Variants in LRRC1 observed in about 807,000 individuals in gnomAD.
The protein encoded by LRRC1 is leucine rich repeat containing 1.
Under a neutral mutation model 69.9 loss-of-function variants are expected in LRRC1, and 28 were observed. That is an observed-to-expected ratio of 0.40 (90% confidence interval 0.30 to 0.55). LRRC1 has a LOEUF of 0.55. Among genes scored for constraint, LRRC1 ranks in the 20% least tolerant of loss-of-function variants. The pLI, the probability that LRRC1 is intolerant of heterozygous loss-of-function variation, is 0.47. For synonymous variants in LRRC1, 236 were observed against 240.2 expected, an observed-to-expected ratio of 0.98 and a Z score of 0.16; for missense variants, 498 against 609.0, an observed-to-expected ratio of 0.82 and a Z score of 1.92.
At chr6:53,907,361 A>T (rs1768275486) in intron 10 of LRRC1, among the ~76,000 whole-genome samples, 1 of 152,108 alleles carries the variant, frequency 6.6e-6, no homozygotes, top group Non-Finnish European at 1.5e-5. Context: ...AAAAACAACA[A>T]CATTTATAGT....
At chr6:53,919,727 G>A (rs754323876) in intron 12 of LRRC1, 57 bp downstream of exon 12, 4 of 1,502,660 alleles carry the variant, frequency 2.7e-6, no homozygotes, top group East Asian at 2.3e-5. Context: ...AGGACCTAAT[G>A]TCTGTCCATA....
chr6:53,825,210 G>T (rs760647609), intron 1 of LRRC1, among the ~76,000 whole-genome samples: 6 of 152,184 alleles, frequency 3.9e-5, no homozygotes, highest in Non-Finnish European at 7.3e-5. Context: ...CTTTTTAGGT[G>T]TACTTCATAA....
intron 1 of LRRC1, among the ~76,000 whole-genome samples, chr6:53,811,758 G>A (rs540637471): frequency 6.6e-6 from 1 of 152,346 alleles, no homozygotes; most frequent in Non-Finnish European, 1.5e-5. Flanking sequence ...GGGACACTCA[G>A]CTAGGAGAAG....
chr6:53,900,611 T>C (rs1768029317), intron 8 of LRRC1, among the ~76,000 whole-genome samples: 1 of 152,236 alleles, frequency 6.6e-6, no homozygotes, highest in African/African-American at 2.4e-5. Context: ...ACTTATTCCA[T>C]GACCTAAGGG....
In LRRC1 at chr6:53,873,458, A is replaced by ATT. The variant is rs35667628; in HGVS notation, c.278-5522_278-5521dup. 2.8e-3 allele frequency among the ~76,000 whole-genome samples: 395 copies of ATT among 140,142 alleles called. 3 individuals carry two copies. The East Asian group carries it at 0.044, about 16-fold the overall frequency. 91.9% of individuals were successfully genotyped at this position (140,142 alleles called of 152,430 possible). A position where few individuals can be genotyped will look rare whatever the true frequency, so the allele number is the denominator to read the frequency against. Reference sequence around the variant, plus strand: ...AGGTATCCGCCACCACGCCCGGCTAATTTTTTTTTTTTTTGTATTTTTAGT... The same window carrying ATT: ...AGGTATCCGCCACCACGCCCGGCTAATTTTTTTTTTTTTTTTGTATTTTTAGT... On this transcript the variant is annotated intron_variant, in intron 2 of 13. Coordinates refer to ENST00000370888, the MANE Select transcript of LRRC1 (RefSeq NM_018214.5).
At chr6:53,839,309 A>G (rs1765697339) in intron 1 of LRRC1, among the ~76,000 whole-genome samples, 1 of 152,128 alleles carries the variant, frequency 6.6e-6, no homozygotes, top group African/African-American at 2.4e-5. Context: ...ATATAAATAT[A>G]CAATCTTTTT....
In LRRC1 at chr6:53,861,351, A is replaced by T. The variant is rs189382393; in HGVS notation, c.278-17642A>T. On this transcript the variant is annotated intron_variant, in intron 2 of 13. Transcript: ENST00000370888. ...GGGACGGTGGTCCCAGGTGATTTTG[A>T]TCTCAGCCAGAGCTGAGAACCACTA... 5.5e-3 allele frequency among the ~76,000 whole-genome samples: 835 copies of T among 151,578 alleles called. 1 individual carries two copies. Among genetic ancestry groups the T allele is most frequent in the Middle Eastern group, 0.024 (7 of 294 alleles).
chr6:53,842,895 A>G (rs1765834039), intron 2 of LRRC1, among the ~76,000 whole-genome samples: 1 of 152,176 alleles, frequency 6.6e-6, no homozygotes, highest in South Asian at 2.1e-4. Context: ...ATTCATTTTT[A>G]CTGAACATTT....
chr6:53,886,697 T>G (rs1425024322), intron 4 of LRRC1, among the ~76,000 whole-genome samples: 1 of 152,226 alleles, frequency 6.6e-6, no homozygotes, highest in Non-Finnish European at 1.5e-5. Flanking sequence ...ACCTGCCTTG[T>G]CTCTTTCCAA....
intron 1 of LRRC1, 109 bp downstream of exon 1, chr6:53,795,524 T>A: frequency 8.9e-7 from 1 of 1,127,696 alleles, no homozygotes; most frequent in Admixed American, 2.8e-5. Context: ...GAAGGAACCT[T>A]CCCTCTTTTA....
chr6:53,919,230 T>TCTC (rs57302181), intron 11 of LRRC1: 131 of 87,892 alleles, frequency 1.5e-3, no homozygotes, highest in African/African-American at 5.2e-3. Context: ...TTTCTCTCTC[T>TCTC]TTTTTTTTTT....
chr6:53,851,448 A>G (rs1766133501), intron 2 of LRRC1, among the ~76,000 whole-genome samples: 2 of 145,760 alleles, frequency 1.4e-5, no homozygotes, highest in Non-Finnish European at 3.0e-5. Flanking sequence ...TCAAACAGGC[A>G]AGCATGAAGC....
At chr6:53,806,731 T>C in intron 1 of LRRC1, among the ~76,000 whole-genome samples, 1 of 152,218 alleles carries the variant, frequency 6.6e-6, no homozygotes, top group East Asian at 1.9e-4. Context: ...TTAATCATTA[T>C]AATCAAGGAT....
intron 12 of LRRC1, 67 bp downstream of exon 12, chr6:53,919,737 A>C: frequency 7.1e-7 from 1 of 1,403,854 alleles, no homozygotes; most frequent in Non-Finnish European, 9.8e-7. Context: ...GTCTGTCCAT[A>C]AGGCCTCTTA....
intron 1 of LRRC1, among the ~76,000 whole-genome samples, chr6:53,835,271 A>G (rs1024119065): frequency 2.0e-5 from 3 of 152,162 alleles, no homozygotes; most frequent in Non-Finnish European, 4.4e-5. Context: ...TACTTTCTGT[A>G]ATTTTATGCA....
chr6:53,876,282 CCCCCATGATTCAGT>C (rs1321391970), intron 2 of LRRC1, among the ~76,000 whole-genome samples: 1 of 152,088 alleles, frequency 6.6e-6, no homozygotes, highest in Non-Finnish European at 1.5e-5. Context: ...GAAAGACCTG[CCCCCATGATTCAGT>C]TACCTCCTAC....
chr6:53,897,259 C>T (rs777811341), intron 6 of LRRC1, 26 bp from the exon 7 acceptor site: 46 of 1,493,946 alleles, frequency 3.1e-5, no homozygotes, highest in Admixed American at 1.0e-4. Context: ...TCTTTGTTAC[C>T]GTAACTTTTT....
At chr6:53,910,164 G>A (rs1768364397) in intron 10 of LRRC1, among the ~76,000 whole-genome samples, 1 of 152,058 alleles carries the variant, frequency 6.6e-6, no homozygotes, top group South Asian at 2.1e-4. Context: ...CAAAATGGCT[G>A]GACAAAGATT....
chr6:53,896,677 C>A, intron 5 of LRRC1, 123 bp downstream of exon 5: 1 of 1,050,770 alleles, frequency 9.5e-7, no homozygotes, highest in Non-Finnish European at 1.4e-6. Context: ...GGATGCCAGC[C>A]GGCCTTTTCT....
Sources: gnomAD v4.1 joint callset for allele counts (sites outside exome capture counted in the v4.1 genomes callset) on GRCh38, gnomAD v4.1.1 for gene constraint, MANE v1.5 for transcripts, NCBI Gene and HGNC (gene_info 2026-07-23, HGNC 2026-07-21) for gene names.